The following MBOAT1 variants were observed in gnomAD, a reference collection of about 807,000 sequenced individuals.
MBOAT1 encodes membrane-bound glycerophospholipid O-acyltransferase 1.
Under a neutral mutation model 64.4 loss-of-function variants are expected in MBOAT1, and 67 were observed. The observed-to-expected ratio is 1.04, with a 90% CI of 0.85 to 1.27. The LOEUF is 1.27. MBOAT1 is among the 50% of genes most tolerant of loss of function. MBOAT1 has a pLI of 0.00. For synonymous variants in MBOAT1, 229 were observed against 218.9 expected (o/e 1.05, Z -0.41); for missense variants, 563 against 604.6 (o/e 0.93, Z 0.72).
chr6:20,165,742 C>T (rs1354487352), intron 1 of MBOAT1, among the ~76,000 whole-genome samples: 1 of 137,476 alleles, frequency 7.3e-6, no homozygotes, highest in East Asian at 2.1e-4. Context: ...GACTCTGTTT[C>T]AAAAAAAAAA....
intron 11 of MBOAT1, among the ~76,000 whole-genome samples, chr6:20,110,484 G>A (rs1760106451): frequency 1.3e-5 from 2 of 151,788 alleles, no homozygotes; most frequent in Admixed American, 1.3e-4. Flanking sequence ...CCAAAGTGCT[G>A]GGATTACAGG....
At chr6:20,106,493 G>C (rs1759960397) in intron 12 of MBOAT1, among the ~76,000 whole-genome samples, 1 of 152,052 alleles carries the variant, frequency 6.6e-6, no homozygotes, top group Non-Finnish European at 1.5e-5. Flanking sequence ...CGTGATCTCA[G>C]CTCACTGCAA....
chr6:20,169,211 C>A (rs1474840348), intron 1 of MBOAT1, among the ~76,000 whole-genome samples: 1 of 152,138 alleles, frequency 6.6e-6, no homozygotes, highest in Non-Finnish European at 1.5e-5. Flanking sequence ...AATGCAGAAC[C>A]AGGGCTATAT....
intron 1 of MBOAT1, among the ~76,000 whole-genome samples, chr6:20,157,802 A>G (rs1484027915): frequency 6.6e-6 from 1 of 152,216 alleles, no homozygotes; most frequent in African/African-American, 2.4e-5. Context: ...GAAACAATGT[A>G]TAACAGTTAA....
At chr6:20,131,602 A>C (rs1180188275) in intron 4 of MBOAT1, among the ~76,000 whole-genome samples, 1 of 152,262 alleles carries the variant, frequency 6.6e-6, no homozygotes, top group Non-Finnish European at 1.5e-5. Context: ...TTTATTTAGC[A>C]GCATGAGAAC....
At chr6:20,179,019 T>C (rs1236101613) in intron 1 of MBOAT1, among the ~76,000 whole-genome samples, 1 of 152,000 alleles carries the variant, frequency 6.6e-6, no homozygotes, top group Non-Finnish European at 1.5e-5. Context: ...CATGGTGATT[T>C]GCTGCACAGA....
At chr6:20,159,177 C>G (rs1761777102) in intron 1 of MBOAT1, among the ~76,000 whole-genome samples, 1 of 152,118 alleles carries the variant, frequency 6.6e-6, no homozygotes, top group Non-Finnish European at 1.5e-5. Flanking sequence ...TGGGCCAGTA[C>G]TGGTCCATGG....
chr6:20,176,391 T>TTTGAG (rs112517286), intron 1 of MBOAT1, among the ~76,000 whole-genome samples: 1,688 of 152,320 alleles, frequency 0.011, 31 homozygotes, highest in African/African-American at 0.039. Context: ...TCTGTTTCTG[T>TTTGAG]TTAATACAAT....
intron 1 of MBOAT1, among the ~76,000 whole-genome samples, chr6:20,202,291 C>T (rs1452578432): frequency 6.6e-6 from 1 of 152,140 alleles, no homozygotes; most frequent in Non-Finnish European, 1.5e-5. Flanking sequence ...TGAACACAAA[C>T]TTTTCAAATG....
At chr6:20,156,933 G>A (rs955626756) in intron 1 of MBOAT1, among the ~76,000 whole-genome samples, 1 of 152,212 alleles carries the variant, frequency 6.6e-6, no homozygotes, top group Non-Finnish European at 1.5e-5. Context: ...GGGTTAACAG[G>A]CAACCTACAG....
chr6:20,195,769 A>G (rs926695569), intron 1 of MBOAT1, among the ~76,000 whole-genome samples: 1 of 152,244 alleles, frequency 6.6e-6, no homozygotes, highest in African/African-American at 2.4e-5. Context: ...CTGTCAGAAA[A>G]TAAGAAGATT....
chr6:20,124,341 T>C, intron 8 of MBOAT1, 67 bp downstream of exon 8: 1 of 1,510,822 alleles, frequency 6.6e-7, no homozygotes. Flanking sequence ...AAAACGTCGT[T>C]CTGGCTAAGC....
chr6:20,120,982 C>T (rs1760477915), intron 8 of MBOAT1, among the ~76,000 whole-genome samples: 1 of 152,182 alleles, frequency 6.6e-6, no homozygotes, highest in African/African-American at 2.4e-5. Context: ...AATTTGTACG[C>T]CCATCTGTTG....
chr6:20,202,124 C>T lies in MBOAT1; in HGVS notation c.99+10012G>A, dbSNP rs115276585. 7.9e-3 allele frequency among the ~76,000 whole-genome samples: 1,204 copies of T among 152,126 alleles called. 13 individuals carry two copies. The highest frequency in any genetic ancestry group is 0.027 in the African/African-American group (1,129 of 41,472). ...TTTGAGTTTAGCAACTTCCTGTAAG[C>T]CTTAGCAACCTTTTGCTGTGTACCT... is the stretch of plus-strand genomic sequence containing the variant. On this transcript the variant is annotated intron_variant, in intron 1 of 12. Transcript: ENST00000324607.
intron 1 of MBOAT1, among the ~76,000 whole-genome samples, chr6:20,161,249 T>C (rs1359272104): frequency 6.6e-6 from 1 of 151,802 alleles, no homozygotes; most frequent in East Asian, 1.9e-4. Flanking sequence ...TTACGATCTG[T>C]CACTGTCTCC....
chr6:20,212,066 A>C, intron 1 of MBOAT1, 70 bp downstream of exon 1: 3 of 1,433,484 alleles, frequency 2.1e-6, no homozygotes, highest in East Asian at 2.3e-5. Flanking sequence ...ACGGTGGCTA[A>C]CACTTTCGCC....
At chr6:20,197,529 C>T (rs1314817030) in intron 1 of MBOAT1, among the ~76,000 whole-genome samples, 1 of 152,186 alleles carries the variant, frequency 6.6e-6, no homozygotes, top group East Asian at 1.9e-4. Context: ...GTGACTGTTC[C>T]TCTATGCTCC....
intron 3 of MBOAT1, among the ~76,000 whole-genome samples, chr6:20,148,278 G>T (rs1761384295): frequency 6.6e-6 from 1 of 152,166 alleles, no homozygotes; most frequent in Non-Finnish European, 1.5e-5. Flanking sequence ...TTAGCTGAGT[G>T]TGGTGGTAGG....
At chr6:20,138,956 C>T (rs1761084383) in intron 4 of MBOAT1, among the ~76,000 whole-genome samples, 1 of 152,100 alleles carries the variant, frequency 6.6e-6, no homozygotes, top group African/African-American at 2.4e-5. Flanking sequence ...CTTGAGCTCC[C>T]GGGCTTGCGT....
Sources: gnomAD v4.1 joint callset for allele counts (sites outside exome capture counted in the v4.1 genomes callset) on GRCh38, gnomAD v4.1.1 for gene constraint, MANE v1.5 for transcripts, NCBI Gene and HGNC (gene_info 2026-07-23, HGNC 2026-07-21) for gene names.